ELP4: variants seen among roughly 807,000 people sequenced by gnomAD.
ELP4 encodes elongator acetyltransferase complex subunit 4.
In ELP4, 51 loss-of-function variants were observed where a neutral mutation model predicts 48.9. The observed-to-expected ratio is 1.04, with a 90% CI of 0.83 to 1.32. The LOEUF (loss-of-function observed/expected upper bound fraction) is 1.32, where lower values mean the gene tolerates loss of function less well. Among genes scored for constraint, ELP4 ranks in the 40% most tolerant of loss-of-function variants. ELP4 has a pLI of 0.00. For synonymous variants in ELP4, 210 were observed against 189.2 expected (o/e 1.11, Z -0.90); for missense variants, 519 against 514.6 (o/e 1.01, Z -0.08).
intron 9 of ELP4, among the ~76,000 whole-genome samples, chr11:31,665,132 T>G (rs1283109676): frequency 6.6e-6 from 1 of 152,164 alleles, no homozygotes; most frequent in Non-Finnish European, 1.5e-5. Context: ...GGATAAACTA[T>G]CTATCATGAT....
At chr11:31,680,023 A>AT (rs932441485) in intron 9 of ELP4, among the ~76,000 whole-genome samples, 10 of 151,244 alleles carry the variant, frequency 6.6e-5, no homozygotes, top group Admixed American at 3.3e-4. Flanking sequence ...CCTGTGGAGA[A>AT]TTTTTTTTTC....
intron 9 of ELP4, among the ~76,000 whole-genome samples, chr11:31,711,115 CTT>C (rs753186126): frequency 6.6e-6 from 1 of 152,154 alleles, no homozygotes; most frequent in African/African-American, 2.4e-5. Context: ...AACTGAAAGT[CTT>C]TTATATTACG....
intron 7 of ELP4, among the ~76,000 whole-genome samples, chr11:31,638,485 CTCAT>C (rs898924419): frequency 4.0e-5 from 6 of 151,730 alleles, no homozygotes; most frequent in African/African-American, 1.4e-4. Flanking sequence ...TCCCAGCTAT[CTCAT>C]TGAAGAAAAC....
chr11:31,656,562 AG>A (rs1181307236), intron 9 of ELP4, among the ~76,000 whole-genome samples: 2 of 152,052 alleles, frequency 1.3e-5, no homozygotes. Context: ...AATTGAACTT[AG>A]GGTCTAATAT....
intron 9 of ELP4, among the ~76,000 whole-genome samples, chr11:31,708,245 A>G (rs1203354991): frequency 2.0e-5 from 3 of 152,080 alleles, no homozygotes; most frequent in Non-Finnish European, 4.4e-5. Flanking sequence ...ATATCCTTAA[A>G]GCATCATGAT....
chr11:31,756,664 T>C (rs1947839047), intron 9 of ELP4, among the ~76,000 whole-genome samples: 1 of 152,056 alleles, frequency 6.6e-6, no homozygotes, highest in Non-Finnish European at 1.5e-5. Context: ...TCAATAAACA[T>C]TGGTTGAGAA....
In ELP4 at chr11:31,749,009, A is replaced by G. The variant is rs148473661; in HGVS notation, c.1144-34384A>G. Among the ~76,000 whole-genome samples, 29 of 152,336 alleles carry G rather than the reference A, an allele frequency of 1.9e-4. No homozygotes were observed. The East Asian group carries it at 3.1e-3, about 16-fold the overall frequency. Reference sequence around the variant, plus strand: ...GGAAGATCTTCCTGATAAGAAAATCATAAGTCAAAGCAAGGAGGTATGAAT... The same window carrying G: ...GGAAGATCTTCCTGATAAGAAAATCGTAAGTCAAAGCAAGGAGGTATGAAT... On this transcript the variant is annotated intron_variant, in intron 9 of 9. Coordinates refer to ENST00000640961, the MANE Select transcript of ELP4 (RefSeq NM_019040.5).
intron 9 of ELP4, chr11:31,664,110 C>G (rs1443921312): frequency 6.6e-6 from 1 of 152,044 alleles, no homozygotes; most frequent in African/African-American, 2.4e-5. Flanking sequence ...ACTAGCTATT[C>G]TTGTTTCAAA....
chr11:31,595,657 T>C (rs929729290), intron 4 of ELP4, among the ~76,000 whole-genome samples: 3 of 152,182 alleles, frequency 2.0e-5, no homozygotes, highest in African/African-American at 7.2e-5. Context: ...GTTTCCTGTT[T>C]TCACTACCCC....
intron 9 of ELP4, among the ~76,000 whole-genome samples, chr11:31,730,970 G>GAA (rs879362700): frequency 7.1e-6 from 1 of 141,688 alleles, no homozygotes; most frequent in African/African-American, 2.6e-5. Context: ...ACAAGCTCCT[G>GAA]AAAAAAAAAA....
At chr11:31,781,380 G>C (rs1340498426) in intron 9 of ELP4, among the ~76,000 whole-genome samples, 1 of 150,060 alleles carries the variant, frequency 6.7e-6, no homozygotes, top group Admixed American at 6.6e-5. Flanking sequence ...TAAAATTAAA[G>C]GTTTCTTTCC....
At chr11:31,588,942 C>T (rs1957524822) in intron 3 of ELP4, among the ~76,000 whole-genome samples, 1 of 152,152 alleles carries the variant, frequency 6.6e-6, no homozygotes, top group South Asian at 2.1e-4. Context: ...AAGATCACGC[C>T]ACTGCATGCT....
At chr11:31,646,905 T>C (rs1358359463) in intron 7 of ELP4, 1 of 151,570 alleles carries the variant, frequency 6.6e-6, no homozygotes, top group African/African-American at 2.4e-5. Flanking sequence ...AGATATTTGA[T>C]GATTATATTC....
rs562431709 is a variant in ELP4, at chr11:31,542,330, A to T, written c.381+2547A>T. ...CTATTTATAAATCAGAGTACCTGAA[A>T]GGGAAGAGGTATGCATCGAGTGAGT... On this transcript the variant is annotated intron_variant, in intron 3 of 9. Coordinates refer to ENST00000640961, the MANE Select transcript of ELP4 (RefSeq NM_019040.5). Among the ~76,000 whole-genome samples the T allele has an allele frequency of 5.3e-5, 8 of 152,320 alleles. No homozygotes were observed. In the South Asian group the frequency reaches 1.7e-3, roughly 32 times the overall value.
At position 31,695,871 on chromosome 11, in the gene ELP4, C is replaced by T. The variant is rs542296685; in HGVS notation, c.1143+45650C>T. Among the ~76,000 whole-genome samples the T allele has an allele frequency of 2.0e-5, 3 of 150,368 alleles. No individual in the cohort carries two copies. In the Admixed American group the frequency reaches 2.0e-4, roughly 10 times the overall value. ...CCTGTTATTTGTCTATTCAGGGATT[C>T]AACTTCTTCTTGGTTTAGTCTTGAG... On this transcript the variant is annotated intron_variant, in intron 9 of 9. Coordinates refer to ENST00000640961, the MANE Select transcript of ELP4 (RefSeq NM_019040.5).
chr11:31,654,007 A>AT (rs1945377447), intron 9 of ELP4: 1 of 151,662 alleles, frequency 6.6e-6, no homozygotes, highest in Admixed American at 6.6e-5. Flanking sequence ...ACTTAATAAT[A>AT]TTTTGCTATT....
chr11:31,750,282 G>A (rs925169845), intron 9 of ELP4, among the ~76,000 whole-genome samples: 4 of 152,176 alleles, frequency 2.6e-5, no homozygotes, highest in Non-Finnish European at 4.4e-5. Context: ...GATTGGTAAT[G>A]GAAATCAGCC....
At chr11:31,675,052 C>G (rs1173898530) in intron 9 of ELP4, among the ~76,000 whole-genome samples, 1 of 152,104 alleles carries the variant, frequency 6.6e-6, no homozygotes, top group Admixed American at 6.5e-5. Flanking sequence ...CTGTAGCCCT[C>G]TTTTTCTATT....
At chr11:31,570,689 G>T (rs532283165) in intron 3 of ELP4, among the ~76,000 whole-genome samples, 2 of 151,552 alleles carry the variant, frequency 1.3e-5, no homozygotes, top group Non-Finnish European at 2.9e-5. Flanking sequence ...GGCCAGGCTG[G>T]TCTCGAACTC....
Sources: gnomAD v4.1 joint callset for allele counts (sites outside exome capture counted in the v4.1 genomes callset) on GRCh38, gnomAD v4.1.1 for gene constraint, MANE v1.5 for transcripts, NCBI Gene and HGNC (gene_info 2026-07-23, HGNC 2026-07-21) for gene names.